CABP4: variants seen among roughly 807,000 people sequenced by gnomAD.
The protein encoded by CABP4 is calcium-binding protein 4.
Under a neutral mutation model 30.7 loss-of-function variants are expected in CABP4, and 30 were observed. The ratio of observed to expected loss-of-function variants is 0.98; its 90% CI spans 0.73 to 1.33. The LOEUF is 1.33. CABP4 is among the 40% of genes most tolerant of loss of function. CABP4 has a pLI of 0.00. For synonymous variants in CABP4, 161 were observed against 159.2 expected, an observed-to-expected ratio of 1.01 and a Z score of -0.08; for missense variants, 424 against 395.5, an observed-to-expected ratio of 1.07 and a Z score of -0.61.
At chr11:67,452,429 A>C, upstream of CABP4, 3 of 1,612,604 alleles carry the variant, frequency 1.9e-6, no homozygotes, top group Non-Finnish European at 2.5e-6. Flanking sequence ...AGCTGTCCCC[A>C]GCGGCCAGTG....
chr11:67,455,497 T>C lies in CABP4; in HGVS notation c.74T>C (p.Val25Ala), dbSNP rs2135171897. The change falls in exon 1 of 6, where the codon GTT becomes GCT. Residue 25 changes from valine (V) to alanine (A), a missense_variant. By Grantham distance (64) the Val-to-Ala change is moderately conservative (BLOSUM62 0). Transcript: ENST00000325656. ...AIGRQKPPAG[V>A]VTPKSDAEEP... ...GGCCGTCAGAAGCCCCCTGCGGGGG[T>C]TGTGACTCCCAAGAGTGATGCAGAG... The C allele has an allele frequency of 6.2e-7, 1 of 1,606,894 alleles. No individual in the cohort carries two copies. The highest frequency in any genetic ancestry group is 8.5e-7 in the Non-Finnish European group (1 of 1,177,760).
chr11:67,455,631 A>T lies in CABP4; in HGVS notation c.208A>T (p.Ser70Cys). The T allele has an allele frequency of 6.2e-7, 1 of 1,609,686 alleles. No homozygotes were observed. ...GACAGGCCCCGAGGCCCCGGGGAGC[A>T]GCAATAACCCTCCCAGCACTGGAGA... ...EQTGPEAPGS[S>C]NNPPSTGEGP... is the part of the protein sequence containing the mutation. Residue 70 changes from serine (S) to cysteine (C), a missense_variant, in exon 1 of 6, where the codon AGC becomes TGC. Ser to Cys is a moderately radical substitution (Grantham distance 112). Transcript: ENST00000325656.
At chr11:67,454,401 C>T (rs1345378424), upstream of CABP4, among the ~76,000 whole-genome samples, 1 of 152,172 alleles carries the variant, frequency 6.6e-6, no homozygotes, top group African/African-American at 2.4e-5. Context: ...CCTCCTCAGG[C>T]TGACCCCCTC....
chr11:67,452,640 C>T (rs1194186874), upstream of CABP4: 5 of 1,613,490 alleles, frequency 3.1e-6, no homozygotes, highest in Non-Finnish European at 4.2e-6. Context: ...TCCCAGCCAC[C>T]TTGGGGGTAG....
In CABP4 at chr11:67,459,421, C is replaced by A. The variant is rs1285561785; in HGVS notation, c.*762C>A. 6.5e-6 allele frequency: 1 copy of A among 152,784 alleles called. No individual in the cohort carries two copies. Among genetic ancestry groups the A allele is most frequent in the Non-Finnish European group, 1.5e-5 (1 of 68,544 alleles). The allele number at this position is 152,784 out of a possible 1,614,324, so 9.5% of individuals were successfully genotyped here. A position where few individuals can be genotyped will look rare whatever the true frequency, so the allele number is the denominator to read the frequency against. ...CCATATGAGTCTGGGGAGCAAGAAA[C>A]AAACCCCCCGGATATATTCCAGGGT... On this transcript the variant is annotated 3_prime_UTR_variant, in exon 6 of 6. Transcript: ENST00000325656.
At chr11:67,454,143 A>G (rs537000320), upstream of CABP4, among the ~76,000 whole-genome samples, 1 of 152,064 alleles carries the variant, frequency 6.6e-6, no homozygotes, top group South Asian at 2.1e-4. Context: ...CTGCAGTGGG[A>G]TGGTGGTGGG....
upstream of CABP4, among the ~76,000 whole-genome samples, chr11:67,454,341 G>A (rs994595150): frequency 1.3e-5 from 2 of 152,122 alleles, no homozygotes; most frequent in African/African-American, 2.4e-5. Flanking sequence ...CACGGCCCAC[G>A]GCTCCAGCCA....
At chr11:67,454,473 G>A (rs1447918144), upstream of CABP4, among the ~76,000 whole-genome samples, 3 of 152,154 alleles carry the variant, frequency 2.0e-5, no homozygotes, top group Non-Finnish European at 4.4e-5. Flanking sequence ...GCCCTGACCA[G>A]TGAGGCCTGG....
intron 5 of CABP4, 56 bp from the exon 6 acceptor site, chr11:67,458,575 C>T (rs977524824): frequency 1.5e-5 from 25 of 1,613,976 alleles, no homozygotes; most frequent in Non-Finnish European, 1.9e-5. Flanking sequence ...CTGAGCCCAG[C>T]ACCTCCTGGG....
At position 67,455,686 on chromosome 11, in the gene CABP4, C is replaced by T. The variant is rs11605013; in HGVS notation, c.263C>T (p.Pro88Leu). The T allele has an allele frequency of 6.2e-7, 1 of 1,608,028 alleles. No homozygotes were observed. Among genetic ancestry groups the T allele is most frequent in the Non-Finnish European group, 8.5e-7 (1 of 1,178,518 alleles). Residue 88 changes from proline to leucine, a missense_variant, in exon 1 of 6, where the codon CCT (proline) becomes CTT (leucine). By Grantham distance (98) the Pro-to-Leu change is moderately conservative. Transcript: ENST00000325656. ...EGPAGAPPASPGPASSRQSHR... is the reference protein window; with the variant it reads ...EGPAGAPPASLGPASSRQSHR... ...CCGGCGGGCGCACCCCCTGCATCCCCTGGGCCGGCCTCTTCTCGCCAGTCC... is the reference window on the plus strand; with the variant it reads ...CCGGCGGGCGCACCCCCTGCATCCCTTGGGCCGGCCTCTTCTCGCCAGTCC...
chr11:67,452,887 G>T (rs868452178), upstream of CABP4: 1 of 617,474 alleles, frequency 1.6e-6, no homozygotes, highest in Non-Finnish European at 2.8e-6. Flanking sequence ...CCTATGCCAA[G>T]GACTTGAAGT....
rs1051333994 is a variant in CABP4 at position 67,457,644 on chromosome 11, A to T, written c.613A>T (p.Met205Leu). 6.2e-7 allele frequency: 1 copy of T among 1,604,490 alleles called. No homozygotes were observed. The highest frequency in any genetic ancestry group is 1.1e-5 in the South Asian group (1 of 89,138). ...GPKLREETAH[M>L]LGVRELRIAF... ...AAAGCTGAGGGAGGAGACGGCGCAC[A>T]TGCTGGGGGTGCGAGAGCTGCGCAT... Residue 205 changes from methionine (M) to leucine (L), a missense_variant, in exon 4 of 6, where the codon ATG becomes TTG. Met to Leu is a conservative substitution (Grantham distance 15). Transcript: ENST00000325656.
rs149455081 is a variant in CABP4 at position 67,458,594 on chromosome 11, C to T, written c.800-37C>T. The T allele has an allele frequency of 0.023, 37,255 of 1,614,102 alleles. 518 individuals are homozygous for T. Among genetic ancestry groups the T allele is most frequent in the Non-Finnish European group, 0.027 (32,375 of 1,179,986 alleles). ...GCCCAGCACCTCCTGGGATCCCTGA[C>T]GTGGACTGACCCAAGCCCTGCCCTT... On this transcript the variant is annotated intron_variant, in intron 5 of 5. Transcript: ENST00000325656.
rs146149609 is a variant in CABP4 at position 67,459,950 on chromosome 11, A to T, written c.*1291A>T. On this transcript the variant is annotated 3_prime_UTR_variant, in exon 6 of 6. Coordinates refer to ENST00000325656, the MANE Select transcript of CABP4 (RefSeq NM_145200.5). ...AGCAACAGATCGAGACTCCGTCTCA[A>T]AAACAAAACAAAAAAACCATACTGA... 1 of 152,252 alleles carries T rather than the reference A, an allele frequency of 6.6e-6. No individual in the cohort carries two copies. Among genetic ancestry groups the T allele is most frequent in the Non-Finnish European group, 1.5e-5 (1 of 68,070 alleles). 9.4% of individuals were successfully genotyped at this position (152,252 alleles called of 1,614,324 possible). A position where few individuals can be genotyped will look rare whatever the true frequency, so the allele number is the denominator to read the frequency against.
At position 67,457,560 on chromosome 11, in the gene CABP4, C is replaced by T; in HGVS notation, c.542-13C>T. ...ATGCCCTCACCATTGTGACACTCTT[C>T]CTGGGTCTGCAGTGGGCGGCCGTGT... On this transcript the variant is annotated splice_polypyrimidine_tract_variant and intron_variant, in intron 3 of 5. Coordinates refer to ENST00000325656, the MANE Select transcript of CABP4 (RefSeq NM_145200.5). 2.6e-6 allele frequency: 4 copies of T among 1,567,368 alleles called. No individual in the cohort carries two copies. Among genetic ancestry groups the T allele is most frequent in the Non-Finnish European group, 3.5e-6 (4 of 1,154,872 alleles).
rs1790765 is a variant in CABP4 at position 67,455,615 on chromosome 11, C to G, written c.192C>G (p.Pro64=). ...GCAGCTCTGGGGAGCAGACAGGCCCCGAGGCCCCGGGGAGCAGCAATAACC... is the reference window on the plus strand; with the variant it reads ...GCAGCTCTGGGGAGCAGACAGGCCCGGAGGCCCCGGGGAGCAGCAATAACC... The part of the protein sequence containing the change: ...RTGSSGEQTG[P]EAPGSSNNPP... The change falls in exon 1 of 6, where the codon CCC becomes CCG. Residue 64 remains proline (P), a synonymous_variant. Transcript: ENST00000325656. 8 of 1,607,296 alleles carry G rather than the reference C, an allele frequency of 5.0e-6. No individual in the cohort carries two copies. In the East Asian group the frequency reaches 1.6e-4, roughly 31 times the overall value.
Position 67,457,695 on chromosome 11 carries a change from G to A in CABP4, c.651+13G>A, listed in dbSNP as rs763303147. On this transcript the variant is annotated intron_variant, in intron 4 of 5. Transcript: ENST00000325656. ...CGCCTTCCGAGAGGTGCGGAGTGTGGTGAGGTGGGCAGAGGGGGGCAGGGC... is the reference window on the plus strand; with the variant it reads ...CGCCTTCCGAGAGGTGCGGAGTGTGATGAGGTGGGCAGAGGGGGGCAGGGC... The A allele has an allele frequency of 8.9e-6, 14 of 1,565,808 alleles. No homozygotes were observed. Among genetic ancestry groups the A allele is most frequent in the Non-Finnish European group, 1.1e-5 (13 of 1,154,374 alleles).
chr11:67,457,595 G>A lies in CABP4; in HGVS notation c.564G>A (p.Glu188=). The A allele has an allele frequency of 6.2e-7, 1 of 1,600,436 alleles. No individual in the cohort carries two copies. The highest frequency in any genetic ancestry group is 8.5e-7 in the Non-Finnish European group (1 of 1,173,614). ...KMRMGGRVDF[E]EFVELIGPKL... is the part of the protein sequence containing the mutation. The stretch of plus-strand genomic sequence containing the variant: ...CAGTGGGCGGCCGTGTGGACTTTGA[G>A]GAGTTTGTAGAACTGATAGGCCCAA... Residue 188 remains glutamate (E), a synonymous_variant, in exon 4 of 6, where the codon GAG becomes GAA. Transcript: ENST00000325656.
At chr11:67,457,174 T>C (rs1203094638) in intron 3 of CABP4, among the ~76,000 whole-genome samples, 1 of 152,104 alleles carries the variant, frequency 6.6e-6, no homozygotes, top group Non-Finnish European at 1.5e-5. Flanking sequence ...GGAGGTGGCA[T>C]TTATTGCTGC....
Sources: allele counts gnomAD v4.1 joint callset (sites outside exome capture counted in the v4.1 genomes callset), GRCh38; gene constraint gnomAD v4.1.1; transcripts MANE v1.5; gene names NCBI Gene and HGNC (gene_info 2026-07-23, HGNC 2026-07-21).